Variants in NCOR1 observed in about 807,000 individuals in gnomAD.
The protein encoded by NCOR1 is protein phosphatase 1, regulatory subunit 109.
Under a neutral mutation model 288.1 loss-of-function variants are expected in NCOR1, and 63 were observed. The ratio of observed to expected loss-of-function variants is 0.22; its 90% CI spans 0.18 to 0.27. The LOEUF (loss-of-function observed/expected upper bound fraction) is 0.27. Ranked by LOEUF, NCOR1 falls within the 10% of genes least tolerant of loss-of-function variation. NCOR1 has a pLI of 1.00. For missense variants in NCOR1, 2,397 were observed against 3,019.2 expected, an observed-to-expected ratio of 0.79 and a Z score of 4.83; for synonymous variants, 1,007 against 1,065.9, an observed-to-expected ratio of 0.94 and a Z score of 1.08.
At chr17:16,067,020 G>A (rs2061200341) in intron 32 of NCOR1, among the ~76,000 whole-genome samples, 2 of 152,216 alleles carry the variant, frequency 1.3e-5, no homozygotes, top group South Asian at 2.1e-4. Flanking sequence ...TAGCGGCAAG[G>A]AAGAGCAAGG....
intron 43 of NCOR1, 166 bp downstream of exon 43, chr17:16,040,275 C>A (rs1210501701): frequency 7.1e-6 from 5 of 703,020 alleles, no homozygotes; most frequent in South Asian, 6.0e-5. Flanking sequence ...GATCTCAGTT[C>A]CTTTCTGTGC....
intron 11 of NCOR1, among the ~76,000 whole-genome samples, chr17:16,139,453 C>CG (rs2076862211): frequency 1.3e-5 from 2 of 152,226 alleles, no homozygotes. Flanking sequence ...TAAGCTGATA[C>CG]TTAACATAAT....
rs1404497473 is a variant in NCOR1, at chr17:16,127,377, ATATG to A, written c.1510-1175_1510-1172del. Among the ~76,000 whole-genome samples the A allele has an allele frequency of 2.5e-5, 3 of 121,224 alleles. 1 individual carries two copies. Among genetic ancestry groups the A allele is most frequent in the African/African-American group, 3.4e-5 (1 of 29,056 alleles). 79.5% of individuals were successfully genotyped at this position (121,224 alleles called of 152,430 possible). A position where few individuals can be genotyped will look rare whatever the true frequency, so the allele number is the denominator to read the frequency against. On this transcript the variant is annotated intron_variant, in intron 14 of 45. Transcript: ENST00000268712. ...TGTATGTATATATACATGTATGTAT[ATATG>A]TATGTATATATACATGTGTATATGT... is the stretch of plus-strand genomic sequence containing the variant.
chr17:16,139,161 A>T lies in NCOR1; in HGVS notation c.1199T>A (p.Leu400His). ...QENNEKQMRQ[L>H]SVIPPMMFDA... ...AAACATCATAGGTGGAATCACAGAG[A>T]GCTGCCGCATTTGTTTCTCATTATT... Residue 400 changes from leucine (L) to histidine (H), a missense_variant, in exon 12 of 46, where the codon CTC becomes CAC. Around this residue, in one of 11 missense-constraint regions of NCOR1, gnomAD observed 80 missense variants for 100.3 expected, o/e 0.80. Coordinates refer to ENST00000268712, the MANE Select transcript of NCOR1 (RefSeq NM_006311.4). 3 of 1,610,008 alleles carry T rather than the reference A, an allele frequency of 1.9e-6. No homozygotes were observed. Among genetic ancestry groups the T allele is most frequent in the Non-Finnish European group, 2.5e-6 (3 of 1,179,012 alleles).
chr17:16,128,919 T>C (rs912138593), intron 14 of NCOR1, among the ~76,000 whole-genome samples: 1 of 152,328 alleles, frequency 6.6e-6, no homozygotes, highest in East Asian at 1.9e-4. Flanking sequence ...TTCCAGAACA[T>C]TGCTGAACTG....
intron 15 of NCOR1, among the ~76,000 whole-genome samples, chr17:16,121,649 A>C (rs1258248572): frequency 6.6e-6 from 1 of 152,202 alleles, no homozygotes; most frequent in Non-Finnish European, 1.5e-5. Context: ...CCTTTAGTCT[A>C]GGTTGCCTCA....
intron 30 of NCOR1, 143 bp downstream of exon 30, chr17:16,071,265 GA>G (rs369346520): frequency 0.16 from 144,096 of 900,428 alleles, 1 homozygote; most frequent in South Asian, 0.22. Flanking sequence ...GTCCACAGAG[GA>G]AAAAAAAAAA....
intron 19 of NCOR1, among the ~76,000 whole-genome samples, chr17:16,102,246 TAAG>T (rs987409488): frequency 2.6e-5 from 4 of 152,298 alleles, no homozygotes; most frequent in South Asian, 2.1e-4. Context: ...ATTAAAAAAG[TAAG>T]AAGAAATTGG....
intron 3 of NCOR1, among the ~76,000 whole-genome samples, chr17:16,185,008 C>CA (rs34725978): frequency 0.46 from 45,043 of 97,732 alleles, 9,494 homozygotes; most frequent in Middle Eastern, 0.57. Context: ...GAATCTTAAA[C>CA]AAAAAAAAAA....
chr17:16,166,838 G>T (rs1342860566), intron 4 of NCOR1, among the ~76,000 whole-genome samples: 1 of 150,098 alleles, frequency 6.7e-6, no homozygotes, highest in Admixed American at 6.7e-5. Flanking sequence ...ACTGTGAAAA[G>T]CACAACAGTT....
intron 13 of NCOR1, 45 bp from the exon 14 acceptor site, chr17:16,137,457 A>G: frequency 9.1e-7 from 1 of 1,098,932 alleles, no homozygotes; most frequent in Non-Finnish European, 1.3e-6. Context: ...AATGAAATAA[A>G]GAAATTTTTT....
chr17:16,101,659 G>A lies in NCOR1; in HGVS notation c.2281C>T (p.Pro761Ser), dbSNP rs2152998473. ...VELEPTTETA[P>S]STSPSLAVPS... ...ACTGCTAAGGAGGGAGATGTACTGG[G>A]TGCAGTTTCCGTGGTGGGCTCAAGC... is the stretch of plus-strand genomic sequence containing the variant. Residue 761 changes from proline to serine, a missense_variant, in exon 20 of 46, where the codon CCC becomes TCC. By Grantham distance (74) the Pro-to-Ser change is moderately conservative. Around this residue, in one of 11 missense-constraint regions of NCOR1, gnomAD observed 1,872 missense variants for 2,187.8 expected, o/e 0.86. Transcript: ENST00000268712. 6.2e-7 allele frequency: 1 copy of A among 1,614,198 alleles called. No homozygotes were observed. Among genetic ancestry groups the A allele is most frequent in the Non-Finnish European group, 8.5e-7 (1 of 1,180,050 alleles).
chr17:16,109,663 C>T (rs998868257), intron 18 of NCOR1, among the ~76,000 whole-genome samples: 2 of 152,158 alleles, frequency 1.3e-5, no homozygotes, highest in Non-Finnish European at 2.9e-5. Context: ...CCTTCACTAG[C>T]ATTAAGAATC....
chr17:16,176,216 T>C (rs1424350734), intron 3 of NCOR1, among the ~76,000 whole-genome samples: 2 of 151,682 alleles, frequency 1.3e-5, no homozygotes, highest in African/African-American at 4.8e-5. Context: ...CAAAACTCCA[T>C]CTCAAAAAAA....
intron 44 of NCOR1, among the ~76,000 whole-genome samples, chr17:16,037,158 GGAGGAGTCAGGACACACAC>G (rs1211320706): frequency 1.8e-4 from 28 of 152,168 alleles, no homozygotes; most frequent in Non-Finnish European, 3.2e-4. Flanking sequence ...ACCAGTCAGT[GGAGGAGTCAGGACACACAC>G]CACCTTTATG....
At chr17:16,194,059 C>A (rs2089230316) in intron 2 of NCOR1, among the ~76,000 whole-genome samples, 1 of 152,134 alleles carries the variant, frequency 6.6e-6, no homozygotes, top group African/African-American at 2.4e-5. Flanking sequence ...ACCTACTATA[C>A]AAATCTTCCT....
chr17:16,079,252 G>C (rs983820436), intron 26 of NCOR1, among the ~76,000 whole-genome samples: 3 of 152,016 alleles, frequency 2.0e-5, no homozygotes, highest in Admixed American at 2.0e-4. Flanking sequence ...CCTGGTGTGG[G>C]GATCATACTT....
Position 16,045,972 on chromosome 17 carries a change from C to T in NCOR1, c.6679+979G>A, listed in dbSNP as rs575157774. Among the ~76,000 whole-genome samples the T allele has an allele frequency of 2.6e-5, 4 of 152,190 alleles. No individual in the cohort carries two copies. In the South Asian group the frequency reaches 8.3e-4, roughly 32 times the overall value. On this transcript the variant is annotated intron_variant, in intron 42 of 45. Transcript: ENST00000268712. Reference sequence around the variant, plus strand: ...GACTACAGGGATGTATACCACCGCACCCAGCTAATTTTTTATATTTTGTAG... The same window carrying T: ...GACTACAGGGATGTATACCACCGCATCCAGCTAATTTTTTATATTTTGTAG...
chr17:16,099,966 A>C (rs1399268312), intron 20 of NCOR1, among the ~76,000 whole-genome samples: 1 of 152,182 alleles, frequency 6.6e-6, no homozygotes, highest in Non-Finnish European at 1.5e-5. Context: ...TAAGATATAA[A>C]ATATATTGGA....
Sources: gnomAD v4.1 joint callset for allele counts (sites outside exome capture counted in the v4.1 genomes callset) on GRCh38, gnomAD v4.1.1 for gene constraint, gnomAD v4.1.1 regional missense constraint, MANE v1.5 for transcripts, NCBI Gene and HGNC (gene_info 2026-07-23, HGNC 2026-07-21) for gene names.